The following RBL2 variants were observed in gnomAD, a reference collection of about 807,000 sequenced individuals.
RBL2 encodes retinoblastoma-like protein 2.
A neutral mutation model predicts 126.0 loss-of-function variants in RBL2; 56 were observed. The observed-to-expected ratio is 0.44, with a 90% CI of 0.36 to 0.56. RBL2 has a LOEUF of 0.56. RBL2 is among the 20% of genes least tolerant of loss of function. The pLI is 0.00. For missense variants in RBL2, 1,229 were observed against 1,398.2 expected (o/e 0.88, Z 1.93); for synonymous variants, 454 against 478.5 (o/e 0.95, Z 0.67).
At chr16:53,479,406 C>A in intron 18 of RBL2, 181 bp downstream of exon 18, 1 of 572,370 alleles carries the variant, frequency 1.7e-6, no homozygotes, top group Non-Finnish European at 3.1e-6. Context: ...GTCTCTTTTC[C>A]TCAAAAGGCA....
At chr16:53,443,347 A>G (rs895949068) in intron 3 of RBL2, 2 of 152,328 alleles carry the variant, frequency 1.3e-5, no homozygotes, top group Non-Finnish European at 1.5e-5. Context: ...CTAGATATAG[A>G]TCACTATATT....
chr16:53,451,231 C>T (rs547127961), intron 4 of RBL2, among the ~76,000 whole-genome samples: 124 of 152,258 alleles, frequency 8.1e-4, no homozygotes, highest in African/African-American at 2.9e-3. Context: ...AAAGGCCAGG[C>T]ATGGTGGTTT....
intron 2 of RBL2, 86 bp downstream of exon 2, chr16:53,439,232 A>T: frequency 8.0e-7 from 1 of 1,245,344 alleles, no homozygotes; most frequent in Non-Finnish European, 1.1e-6. Context: ...TCTGTTTATC[A>T]TTTTCTGAGC....
At position 53,439,155 on chromosome 16, in the gene RBL2, G is replaced by A; in HGVS notation, c.371+9G>A. 3 of 1,574,104 alleles carry A rather than the reference G, an allele frequency of 1.9e-6. No homozygotes were observed. The highest frequency in any genetic ancestry group is 1.7e-6 in the Non-Finnish European group (2 of 1,163,136). ...AAATGTTCAGAGCAGAGGTAACTAT[G>A]TTAGAGTTTGACAAGTAGAGTATGG... On this transcript the variant is annotated intron_variant, in intron 2 of 21. Coordinates refer to ENST00000262133, the MANE Select transcript of RBL2 (RefSeq NM_005611.4).
Position 53,464,107 on chromosome 16 carries a change from C to T in RBL2, c.1561-119C>T, listed in dbSNP as rs2058249442. On this transcript the variant is annotated intron_variant, in intron 11 of 21. Transcript: ENST00000262133. ...AAGGTTTTGTAAGAAAATAAGGACA[C>T]ACTTTGCACTCACTCAGAAAATGAG... The T allele has an allele frequency of 1.6e-4, 117 of 748,640 alleles. 3 individuals carry two copies. In the South Asian group the frequency reaches 3.4e-3, roughly 22 times the overall value. 46.4% of individuals were successfully genotyped at this position (748,640 alleles called of 1,614,324 possible). A position where few individuals can be genotyped will look rare whatever the true frequency, so the allele number is the denominator to read the frequency against.
chr16:53,473,585 A>G (rs1338259437), intron 17 of RBL2, among the ~76,000 whole-genome samples: 2 of 151,708 alleles, frequency 1.3e-5, no homozygotes, highest in African/African-American at 4.8e-5. Context: ...TATGTAGGAA[A>G]TCATGTAATC....
At chr16:53,444,453 A>G (rs1248281464) in intron 3 of RBL2, among the ~76,000 whole-genome samples, 1 of 151,270 alleles carries the variant, frequency 6.6e-6, no homozygotes, top group African/African-American at 2.4e-5. Flanking sequence ...CTTGGGAGGG[A>G]GAGGTGGAAG....
chr16:53,466,945 T>A (rs2058278369), intron 13 of RBL2, 113 bp from the exon 14 acceptor site: 1 of 777,816 alleles, frequency 1.3e-6, no homozygotes, highest in Non-Finnish European at 2.1e-6. Context: ...GACAGCTGAT[T>A]TTATTTAGAT....
rs775411476 is a variant in RBL2 at position 53,470,498 on chromosome 16, A to G, written c.2361A>G (p.Gly787=). The change falls in exon 16 of 22, where the codon GGA becomes GGG. Residue 787 remains glycine, a synonymous_variant. Coordinates refer to ENST00000262133, the MANE Select transcript of RBL2 (RefSeq NM_005611.4). ...IQPLSAQALA[G]SLSSQQVTGT... The stretch of plus-strand genomic sequence containing the variant: ...CCCTCAGTGCTCAGGCCCTGGCTGG[A>G]AGTCTGAGCTCTCAACAGGTGACAG... The G allele has an allele frequency of 5.6e-6, 9 of 1,614,018 alleles. No individual in the cohort carries two copies. The highest frequency in any genetic ancestry group is 7.6e-6 in the Non-Finnish European group (9 of 1,180,032).
intron 1 of RBL2, chr16:53,435,827 T>A: frequency 8.8e-7 from 1 of 1,132,984 alleles, no homozygotes; most frequent in Non-Finnish European, 1.2e-6. Flanking sequence ...AATAGAATTT[T>A]AATTCAATTA....
intron 11 of RBL2, among the ~76,000 whole-genome samples, chr16:53,462,873 C>T (rs571021941): frequency 2.0e-5 from 3 of 152,228 alleles, no homozygotes; most frequent in South Asian, 2.1e-4. Flanking sequence ...TGGAGTCTTG[C>T]GCTGTCGCCA....
chr16:53,461,904 G>A, intron 10 of RBL2, 54 bp downstream of exon 10: 1 of 1,438,300 alleles, frequency 7.0e-7, no homozygotes, highest in Non-Finnish European at 9.8e-7. Context: ...ACTAAATGGA[G>A]TCATTTCTTA....
At position 53,467,112 on chromosome 16, in the gene RBL2, C is replaced by A. The variant is rs1407501836; in HGVS notation, c.1918C>A (p.Pro640Thr). 5.0e-6 allele frequency: 8 copies of A among 1,614,042 alleles called. No individual in the cohort carries two copies. The highest frequency in any genetic ancestry group is 6.8e-6 in the Non-Finnish European group (8 of 1,179,984). ...RADEICIAGS[P>T]LTPRRVTEVR... is the part of the protein sequence containing the mutation. Reference sequence around the variant, plus strand: ...AGATGAAATTTGCATTGCTGGCTCCCCTTTGACTCCCAGAAGGGTGACTGA... The same window carrying A: ...AGATGAAATTTGCATTGCTGGCTCCACTTTGACTCCCAGAAGGGTGACTGA... Residue 640 changes from proline to threonine, a missense_variant, in exon 14 of 22, where the codon CCT becomes ACT. Around this residue, in one of 2 missense-constraint regions of RBL2, gnomAD observed 1,070 missense variants for 1,274.3 expected, o/e 0.84. Coordinates refer to ENST00000262133, the MANE Select transcript of RBL2 (RefSeq NM_005611.4).
intron 21 of RBL2, 100 bp downstream of exon 21, chr16:53,481,935 A>C (rs1960968158): frequency 4.5e-6 from 6 of 1,341,952 alleles, no homozygotes; most frequent in Non-Finnish European, 6.3e-6. Flanking sequence ...GAGTGATGAG[A>C]GCTGCCAGGG....
intron 13 of RBL2, chr16:53,466,239 G>A (rs2058271263): frequency 6.6e-6 from 1 of 152,132 alleles, no homozygotes; most frequent in African/African-American, 2.4e-5. Flanking sequence ...TAAAAATTCA[G>A]TGTTCTTTCT....
In RBL2 at chr16:53,462,573, G is replaced by A. The variant is rs751039574; in HGVS notation, c.1478G>A (p.Arg493His). The A allele has an allele frequency of 6.5e-6, 10 of 1,549,886 alleles. No individual in the cohort carries two copies. Among genetic ancestry groups the A allele is most frequent in the South Asian group, 3.7e-5 (3 of 80,772 alleles). ...CAKEIASKHF[R>H]FAEMLYYKVL... ...ACAGAAATTGCCAGCAAACATTTTC[G>A]TTTTGCGGAGATGCTTTACTATAAA... The change falls in exon 11 of 22, where the codon CGT (arginine) becomes CAT (histidine). Residue 493 changes from arginine to histidine, a missense_variant. By Grantham distance (29) the Arg-to-His change is conservative (BLOSUM62 0). Around this residue, in one of 2 missense-constraint regions of RBL2, gnomAD observed 1,070 missense variants for 1,274.3 expected, o/e 0.84. Transcript: ENST00000262133.
intron 1 of RBL2, among the ~76,000 whole-genome samples, chr16:53,435,985 T>C (rs2057954936): frequency 6.6e-6 from 1 of 152,164 alleles, no homozygotes; most frequent in Admixed American, 6.5e-5. Flanking sequence ...GTTCTGAAGA[T>C]TAAATAAGGC....
intron 9 of RBL2, among the ~76,000 whole-genome samples, chr16:53,461,180 C>T (rs532908506): frequency 1.3e-5 from 2 of 152,116 alleles, no homozygotes; most frequent in African/African-American, 4.8e-5. Context: ...GCCAAGGTTG[C>T]TAAACTTCCT....
rs1416569460 is a variant in RBL2, at chr16:53,491,443, ATCTTAT to A, written c.*1145_*1150del. The A allele has an allele frequency of 6.6e-6, 1 of 152,484 alleles. No homozygotes were observed. The highest frequency in any genetic ancestry group is 1.5e-5 in the Non-Finnish European group (1 of 68,028). The allele number at this position is 152,484 out of a possible 1,614,324, so 9.4% of individuals were successfully genotyped here. A position where few individuals can be genotyped will look rare whatever the true frequency, so the allele number is the denominator to read the frequency against. ...CAGCAGTTTTCAAGTCAAATTAATA[ATCTTAT>A]TAGGGAGAAAATTCAATTGTAAATT... On this transcript the variant is annotated 3_prime_UTR_variant, in exon 22 of 22. Coordinates refer to ENST00000262133, the MANE Select transcript of RBL2 (RefSeq NM_005611.4).
Sources: gnomAD v4.1 joint callset for allele counts (sites outside exome capture counted in the v4.1 genomes callset) on GRCh38, gnomAD v4.1.1 for gene constraint, gnomAD v4.1.1 regional missense constraint, MANE v1.5 for transcripts, NCBI Gene and HGNC (gene_info 2026-07-23, HGNC 2026-07-21) for gene names.